ZNF718: variants seen among roughly 807,000 people sequenced by gnomAD.
ZNF718 encodes zinc finger protein 718.
A neutral mutation model predicts 2.6 loss-of-function variants in ZNF718; 3 were observed. That is an observed-to-expected ratio of 1.16 (90% CI 0.53 to 3.01). ZNF718 has a LOEUF of 3.01. ZNF718 is among the 30% of genes most tolerant of loss of function. ZNF718 has a pLI of 0.03. For missense variants in ZNF718, 468 were observed against 230.0 expected, an observed-to-expected ratio of 2.03 and a Z score of -6.69; for synonymous variants, 135 against 77.9, an observed-to-expected ratio of 1.73 and a Z score of -3.86.
chr4:180,774 T>C (rs1328380957), intron 3 of ZNF718, among the ~76,000 whole-genome samples: 3 of 152,234 alleles, frequency 2.0e-5, no homozygotes, highest in Non-Finnish European at 4.4e-5. Context: ...GTGGTTTTAG[T>C]AGCATTTCCT....
downstream of ZNF718, among the ~76,000 whole-genome samples, chr4:165,563 C>G (rs1717067060): frequency 6.6e-6 from 1 of 152,150 alleles, no homozygotes; most frequent in Admixed American, 6.5e-5. Flanking sequence ...CTCTGGGAAG[C>G]TGAGGTGGGT....
chr4:173,441 C>G (rs181853887), intron 3 of ZNF718, among the ~76,000 whole-genome samples: 148 of 152,200 alleles, frequency 9.7e-4, no homozygotes, highest in Non-Finnish European at 5.1e-4. Flanking sequence ...GTTTATAAAA[C>G]TTTAAATTTT....
At chr4:146,918 T>G (rs1302774920) in intron 3 of ZNF718, among the ~76,000 whole-genome samples, 2 of 152,036 alleles carry the variant, frequency 1.3e-5, no homozygotes, top group African/African-American at 4.8e-5. Flanking sequence ...CATGCATTGT[T>G]GCAAAAAAAT....
chr4:184,551 A>G (rs1318669033), intron 3 of ZNF718, among the ~76,000 whole-genome samples: 2 of 151,972 alleles, frequency 1.3e-5, no homozygotes, highest in East Asian at 3.9e-4. Context: ...GGAGTCTGTC[A>G]TTTTCATTTT....
rs782625685 is a variant in ZNF718 at position 160,929 on chromosome 4, A to C, written c.244A>C (p.Thr82Pro). 2.6e-6 allele frequency: 2 copies of C among 759,844 alleles called. No homozygotes were observed. Among genetic ancestry groups the C allele is most frequent in the Non-Finnish European group, 4.9e-6 (2 of 411,560 alleles). 47.1% of individuals were successfully genotyped at this position (759,844 alleles called of 1,614,324 possible). ...ARPPAVCSHF[T>P]QNLWTVQGIE... Reference sequence around the variant, plus strand: ...TCTTTCAGCTGTGTGTTCTCATTTCACCCAAAACCTTTGGACAGTGCAGGG... The same window carrying C: ...TCTTTCAGCTGTGTGTTCTCATTTCCCCCAAAACCTTTGGACAGTGCAGGG... Residue 82 changes from threonine to proline, a missense_variant, in exon 4 of 4, where the codon ACC (threonine) becomes CCC (proline). Thr to Pro is a conservative substitution (Grantham distance 38). Coordinates refer to ENST00000510175, the MANE Select transcript of ZNF718 (RefSeq NM_001039127.6).
chr4:142,166 G>A, intron 3 of ZNF718: 2 of 387,380 alleles, frequency 5.2e-6, no homozygotes, highest in South Asian at 4.0e-5. Flanking sequence ...AAGCTAACCA[G>A]GGAGATTTCT....
chr4:157,113 T>C lies in ZNF718; in HGVS notation c.227-3799T>C, dbSNP rs1374906576. Among the ~76,000 whole-genome samples, 570 of 104,776 alleles carry C rather than the reference T, an allele frequency of 5.4e-3. 17 individuals carry two copies. The highest frequency in any genetic ancestry group is 7.9e-3 in the Non-Finnish European group (369 of 46,986). The allele number at this position is 104,776 out of a possible 152,430, so 68.7% of individuals were successfully genotyped here. On this transcript the variant is annotated intron_variant, in intron 3 of 3. Transcript: ENST00000510175. ...TTTCTTTCTTTCTTTCTTTTTTTTT[T>C]TTTTTTTTTTTTTTTTTTCAGACAG...
At chr4:186,910 C>T (rs1717577480) in intron 3 of ZNF718, among the ~76,000 whole-genome samples, 1 of 151,212 alleles carries the variant, frequency 6.6e-6, no homozygotes, top group Non-Finnish European at 1.5e-5. Flanking sequence ...TCTATCATTT[C>T]AGCCATTTCA....
chr4:133,421 G>T (rs1436056657), intron 3 of ZNF718, among the ~76,000 whole-genome samples: 1 of 151,928 alleles, frequency 6.6e-6, no homozygotes, highest in Non-Finnish European at 1.5e-5. Context: ...ATTGCTAAGT[G>T]TATAGTAAGC....
chr4:170,118 G>A (rs1478330406), intron 3 of ZNF718, among the ~76,000 whole-genome samples: 1 of 152,104 alleles, frequency 6.6e-6, no homozygotes, highest in African/African-American at 2.4e-5. Context: ...GCTTAGTTTG[G>A]CTGGATATGA....
At chr4:169,417 T>C (rs1477472829) in intron 3 of ZNF718, among the ~76,000 whole-genome samples, 2 of 152,290 alleles carry the variant, frequency 1.3e-5, no homozygotes, top group East Asian at 3.9e-4. Flanking sequence ...GTTAACTTTC[T>C]GTCTCGTTGA....
intron 3 of ZNF718, among the ~76,000 whole-genome samples, chr4:147,661 C>T (rs749735807): frequency 1.2e-4 from 18 of 151,642 alleles, no homozygotes; most frequent in Non-Finnish European, 1.8e-4. Flanking sequence ...CTCAGGAGTT[C>T]GAGACCAGCC....
intron 3 of ZNF718, among the ~76,000 whole-genome samples, chr4:141,003 C>G (rs1715787072): frequency 6.6e-6 from 1 of 152,164 alleles, no homozygotes; most frequent in South Asian, 2.1e-4. Context: ...AAGCTGGGAG[C>G]TACTTAGGGT....
chr4:162,829 C>A lies in ZNF718; in HGVS notation c.*707C>A, dbSNP rs1016834305. 6.6e-6 allele frequency: 1 copy of A among 151,700 alleles called. No homozygotes were observed. Among genetic ancestry groups the A allele is most frequent in the Non-Finnish European group, 1.5e-5 (1 of 67,962 alleles). 9.4% of individuals were successfully genotyped at this position (151,700 alleles called of 1,614,324 possible). On this transcript the variant is annotated 3_prime_UTR_variant, in exon 4 of 4. Transcript: ENST00000510175. The stretch of plus-strand genomic sequence containing the variant: ...TATACTAGAAGATATTTTGTAGATG[C>A]GGTAAGTATGAAAAGATAGTCTGAA...
intron 3 of ZNF718, among the ~76,000 whole-genome samples, chr4:141,459 A>G (rs1560112299): frequency 6.6e-6 from 1 of 152,218 alleles, no homozygotes; most frequent in Non-Finnish European, 1.5e-5. Flanking sequence ...TTTTAAATAT[A>G]GTTAAGCATG....
intron 3 of ZNF718, among the ~76,000 whole-genome samples, chr4:144,700 T>C (rs1379991516): frequency 1.3e-5 from 2 of 152,186 alleles, no homozygotes; most frequent in African/African-American, 4.8e-5. Context: ...TTTTATAGTA[T>C]TCATCATAGA....
intron 3 of ZNF718, among the ~76,000 whole-genome samples, chr4:193,361 C>T (rs1717729498): frequency 6.6e-6 from 1 of 152,028 alleles, no homozygotes; most frequent in South Asian, 2.1e-4. Flanking sequence ...TAGGTGTTCC[C>T]TCAGAAGTTA....
intron 1 of ZNF718, among the ~76,000 whole-genome samples, chr4:127,178 T>C (rs1715260887): frequency 1.9e-5 from 1 of 53,618 alleles, no homozygotes. Context: ...TACTGGACGT[T>C]ATATACAAAG....
chr4:171,559 C>T (rs1224026839), intron 3 of ZNF718, among the ~76,000 whole-genome samples: 1 of 152,122 alleles, frequency 6.6e-6, no homozygotes, highest in Non-Finnish European at 1.5e-5. Context: ...GCCCCTCCCC[C>T]AGCCTCACTG....
Sources: allele counts gnomAD v4.1 joint callset (sites outside exome capture counted in the v4.1 genomes callset), GRCh38; gene constraint gnomAD v4.1.1; transcripts MANE v1.5; gene names NCBI Gene and HGNC (gene_info 2026-07-23, HGNC 2026-07-21).